Variants in FAF1 observed in about 807,000 individuals in gnomAD.
FAF1 encodes FAS-associated factor 1.
Under a neutral mutation model 92.5 loss-of-function variants are expected in FAF1, and 25 were observed. The observed-to-expected ratio is 0.27, with a 90% CI of 0.20 to 0.38. The LOEUF is 0.38. FAF1 is among the 10% of genes least tolerant of loss of function. The probability of loss-of-function intolerance (pLI) is 1.00; values close to 1 mark genes in which losing one functional copy is unlikely to be tolerated. For synonymous variants in FAF1, 234 were observed against 273.2 expected (o/e 0.86, Z 1.42); for missense variants, 636 against 793.3 (o/e 0.80, Z 2.38).
In FAF1 at chr1:50,944,898, C is replaced by T. The variant is rs185795227; in HGVS notation, c.45+14869G>A. Among the ~76,000 whole-genome samples, 330 of 152,230 alleles carry T rather than the reference C, an allele frequency of 2.2e-3. 3 individuals are homozygous for T. The highest frequency in any genetic ancestry group is 7.9e-3 in the African/African-American group (327 of 41,536). ...AAATAGGGCTATATAACCTCCCACCCCTTCCATTCTGATCATTACTCAGGA... is the reference window on the plus strand; with the variant it reads ...AAATAGGGCTATATAACCTCCCACCTCTTCCATTCTGATCATTACTCAGGA... On this transcript the variant is annotated intron_variant, in intron 1 of 18. Coordinates refer to ENST00000396153, the MANE Select transcript of FAF1 (RefSeq NM_007051.3).
intron 18 of FAF1, among the ~76,000 whole-genome samples, chr1:50,461,759 C>T (rs1646434003): frequency 1.3e-5 from 2 of 151,888 alleles, no homozygotes; most frequent in Admixed American, 1.3e-4. Context: ...TTGAACACCA[C>T]TCTCAATCTT....
chr1:50,641,922 G>A (rs1279343612), intron 8 of FAF1, among the ~76,000 whole-genome samples: 1 of 152,042 alleles, frequency 6.6e-6, no homozygotes, highest in African/African-American at 2.4e-5. Flanking sequence ...CCTTGTTCTG[G>A]CCAGGCGCGG....
At chr1:50,582,435 T>G in intron 12 of FAF1, 183 bp downstream of exon 12, 1 of 505,098 alleles carries the variant, frequency 2.0e-6, no homozygotes, top group East Asian at 2.9e-5. Flanking sequence ...AATACTAAAA[T>G]TGGACTTATA....
chr1:50,920,656 G>A (rs1014408468), intron 1 of FAF1, among the ~76,000 whole-genome samples: 18 of 152,254 alleles, frequency 1.2e-4, no homozygotes, highest in Admixed American at 1.1e-3. Context: ...CATATTAACA[G>A]AACAAAGGAG....
At chr1:50,649,785 C>CAAAAAAAAA (rs535636319) in intron 8 of FAF1, among the ~76,000 whole-genome samples, 4 of 72,942 alleles carry the variant, frequency 5.5e-5, no homozygotes, top group Non-Finnish European at 5.8e-5. Flanking sequence ...ACTAAAACTA[C>CAAAAAAAAA]AAAAAAAAAA....
At chr1:50,915,190 G>T (rs1461384968) in intron 1 of FAF1, among the ~76,000 whole-genome samples, 1 of 152,060 alleles carries the variant, frequency 6.6e-6, no homozygotes, top group African/African-American at 2.4e-5. Context: ...GATCAACATG[G>T]AGAAATCCTG....
At chr1:50,726,600 T>A (rs1397206422) in intron 6 of FAF1, among the ~76,000 whole-genome samples, 10 of 151,814 alleles carry the variant, frequency 6.6e-5, no homozygotes. Context: ...GAGGCTGAGG[T>A]GGGCGGATCA....
chr1:50,615,355 A>G (rs1652865043), intron 8 of FAF1, among the ~76,000 whole-genome samples: 2 of 152,130 alleles, frequency 1.3e-5, no homozygotes, highest in South Asian at 4.1e-4. Context: ...ATTTTGGTAC[A>G]ATAATCTATT....
At chr1:50,811,256 T>C (rs1643906663) in intron 2 of FAF1, among the ~76,000 whole-genome samples, 1 of 152,144 alleles carries the variant, frequency 6.6e-6, no homozygotes. Context: ...GGAAGATCAC[T>C]TGGGCCCAGG....
chr1:50,568,110 T>C (rs1001234131), intron 12 of FAF1, among the ~76,000 whole-genome samples: 3 of 152,142 alleles, frequency 2.0e-5, no homozygotes, highest in Non-Finnish European at 4.4e-5. Flanking sequence ...ACAATGACTA[T>C]AATGATTAAA....
intron 3 of FAF1, among the ~76,000 whole-genome samples, chr1:50,792,752 T>G (rs1308928257): frequency 6.6e-6 from 1 of 152,208 alleles, no homozygotes; most frequent in African/African-American, 2.4e-5. Flanking sequence ...CTGTGGTGAC[T>G]GTTTTCTGTG....
Position 50,747,608 on chromosome 1 carries a change from A to G in FAF1, c.368-2833T>C, listed in dbSNP as rs1050849498. ...CTTTGGACTTCTGAGTTAGTGCCAG[A>G]ATGAAGTAAGACTTTGGAGGACTGC... On this transcript the variant is annotated intron_variant, in intron 4 of 18. Transcript: ENST00000396153. Among the ~76,000 whole-genome samples the G allele has an allele frequency of 5.9e-5, 9 of 152,260 alleles. No individual in the cohort carries two copies. In the South Asian group the frequency reaches 1.5e-3, roughly 25 times the overall value.
intron 7 of FAF1, among the ~76,000 whole-genome samples, chr1:50,666,670 G>A (rs539539057): frequency 6.6e-6 from 1 of 152,242 alleles, no homozygotes; most frequent in East Asian, 1.9e-4. Context: ...ATCACCTGAG[G>A]TCAGAAGTTT....
intron 12 of FAF1, 36 bp from the exon 13 acceptor site, chr1:50,567,267 T>C (rs778946488): frequency 1.3e-6 from 2 of 1,508,926 alleles, no homozygotes; most frequent in African/African-American, 1.4e-5. Flanking sequence ...AATTAAAATA[T>C]CCACTAATGT....
intron 7 of FAF1, among the ~76,000 whole-genome samples, chr1:50,673,372 G>A (rs556890934): frequency 1.2e-4 from 19 of 152,306 alleles, no homozygotes; most frequent in African/African-American, 3.6e-4. Flanking sequence ...CAAGTACACT[G>A]AGTGCTAATA....
At chr1:50,661,263 C>G (rs532315801) in intron 7 of FAF1, among the ~76,000 whole-genome samples, 3 of 152,138 alleles carry the variant, frequency 2.0e-5, no homozygotes, top group Non-Finnish European at 2.9e-5. Flanking sequence ...TTCTATCAAT[C>G]TAATGTCATC....
rs1031957225 is a variant in FAF1 at position 50,455,679 on chromosome 1, G to GA, written c.1870-14157dup. The stretch of plus-strand genomic sequence containing the variant: ...TTAATCTCTTCATATTTTAGATAAA[G>GA]AAAAAAAGACCCAGAGACGTATGTA... On this transcript the variant is annotated intron_variant, in intron 18 of 18. Coordinates refer to ENST00000396153, the MANE Select transcript of FAF1 (RefSeq NM_007051.3). Among the ~76,000 whole-genome samples, 212 of 152,142 alleles carry GA rather than the reference G, an allele frequency of 1.4e-3. 3 individuals are homozygous for GA. Among genetic ancestry groups the GA allele is most frequent in the African/African-American group, 5.1e-3 (211 of 41,492 alleles).
At chr1:50,460,946 C>T (rs919178607) in intron 18 of FAF1, among the ~76,000 whole-genome samples, 2 of 152,120 alleles carry the variant, frequency 1.3e-5, no homozygotes, top group East Asian at 3.8e-4. Context: ...AGCCACAGCA[C>T]GTGGCCTAAG....
Position 50,584,757 on chromosome 1 carries a change from C to T in FAF1, c.895G>A (p.Ala299Thr), listed in dbSNP as rs1290250736. ...CCATCATCCACCCCAAATTCTGTAG[C>T]ATCTTCAAAGTCATCTCCATCGCTA... Reference protein sequence around the residue: ...SDSDGDDFEDATEFGVDDGEV... With the variant: ...SDSDGDDFEDTTEFGVDDGEV... The change falls in exon 10 of 19, where the codon GCT becomes ACT. Residue 299 changes from alanine (A) to threonine (T), a missense_variant. By Grantham distance (58) the Ala-to-Thr change is moderately conservative (BLOSUM62 0). Coordinates refer to ENST00000396153, the MANE Select transcript of FAF1 (RefSeq NM_007051.3). The T allele has an allele frequency of 1.9e-6, 3 of 1,613,664 alleles. No individual in the cohort carries two copies. The highest frequency in any genetic ancestry group is 3.3e-5 in the Admixed American group (2 of 60,000).
Sources: allele counts gnomAD v4.1 joint callset (sites outside exome capture counted in the v4.1 genomes callset), GRCh38; gene constraint gnomAD v4.1.1; transcripts MANE v1.5; gene names NCBI Gene and HGNC (gene_info 2026-07-23, HGNC 2026-07-21).